PAX5: variants seen among roughly 807,000 people sequenced by gnomAD.
PAX5 encodes the protein paired box 5.
Under a neutral mutation model 43.7 loss-of-function variants are expected in PAX5, and 9 were observed. The ratio of observed to expected loss-of-function variants is 0.21; its 90% CI spans 0.12 to 0.36. The LOEUF (loss-of-function observed/expected upper bound fraction) is 0.36. Ranked by LOEUF, PAX5 falls within the 10% of genes least tolerant of loss-of-function variation. PAX5 has a pLI of 1.00. For missense variants in PAX5, 383 were observed against 532.7 expected, an observed-to-expected ratio of 0.72 and a Z score of 2.77; for synonymous variants, 228 against 214.3, an observed-to-expected ratio of 1.06 and a Z score of -0.56.
At chr9:36,889,072 TC>T (rs1199153174) in intron 7 of PAX5, among the ~76,000 whole-genome samples, 1 of 152,196 alleles carries the variant, frequency 6.6e-6, no homozygotes, top group African/African-American at 2.4e-5. Context: ...TTAAAACATG[TC>T]TGCAAATTCT....
At chr9:36,958,694 T>C (rs1358360778) in intron 6 of PAX5, among the ~76,000 whole-genome samples, 3 of 151,832 alleles carry the variant, frequency 2.0e-5, no homozygotes, top group Non-Finnish European at 2.9e-5. Flanking sequence ...CTGTGTTGGA[T>C]TGGATCCTGA....
rs562877406 is a variant in PAX5 at position 36,944,809 on chromosome 9, C to T, written c.781-21325G>A. The stretch of plus-strand genomic sequence containing the variant: ...AGTTACCCAATTGAATGGCTTTATC[C>T]GGTAATGATTTTAAAATAAATGAAA... On this transcript the variant is annotated intron_variant, in intron 6 of 9. Transcript: ENST00000358127. Among the ~76,000 whole-genome samples, 43 of 152,320 alleles carry T rather than the reference C, an allele frequency of 2.8e-4. 1 individual carries two copies. The South Asian group carries it at 6.4e-3, about 23-fold the overall frequency.
chr9:37,023,993 G>T (rs1368522533), intron 1 of PAX5, among the ~76,000 whole-genome samples: 1 of 152,156 alleles, frequency 6.6e-6, no homozygotes, highest in African/African-American at 2.4e-5. Flanking sequence ...CTCCCCTTCT[G>T]TGAACCCTCT....
chr9:37,033,263 C>T (rs1187000497), intron 1 of PAX5, among the ~76,000 whole-genome samples: 1 of 152,206 alleles, frequency 6.6e-6, no homozygotes, highest in East Asian at 1.9e-4. Context: ...GGACACTGGG[C>T]CTTACAATGC....
chr9:36,883,564 G>A (rs905810534), intron 7 of PAX5, among the ~76,000 whole-genome samples: 1 of 152,026 alleles, frequency 6.6e-6, no homozygotes, highest in Admixed American at 6.6e-5. Flanking sequence ...CCAGCTACTC[G>A]GGAGGCTGAG....
At chr9:37,033,882 A>C (rs2132591684) in intron 1 of PAX5, 104 bp downstream of exon 1, 1 of 963,864 alleles carries the variant, frequency 1.0e-6, no homozygotes, top group South Asian at 1.4e-5. Flanking sequence ...AGTCTCTACG[A>C]AAATGCGGCG....
chr9:36,898,083 T>A (rs1411797388), intron 7 of PAX5, among the ~76,000 whole-genome samples: 1 of 152,138 alleles, frequency 6.6e-6, no homozygotes, highest in African/African-American at 2.4e-5. Flanking sequence ...CCTCCCATGG[T>A]TTGTTCCTGG....
Position 36,926,023 on chromosome 9 carries a change from T to C in PAX5, c.781-2539A>G, listed in dbSNP as rs373103002. On this transcript the variant is annotated intron_variant, in intron 6 of 9. Coordinates refer to ENST00000358127, the MANE Select transcript of PAX5 (RefSeq NM_016734.3). The stretch of plus-strand genomic sequence containing the variant: ...TTCACTCTGTACCAGGAGCTTTAGC[T>C]GTACTATCCCATTTAATCCTCACAG... 4.6e-4 allele frequency among the ~76,000 whole-genome samples: 70 copies of C among 152,350 alleles called. 1 individual carries two copies. The highest frequency in any genetic ancestry group is 1.6e-3 in the African/African-American group (68 of 41,578).
intron 6 of PAX5, among the ~76,000 whole-genome samples, chr9:36,943,316 C>T (rs1351281655): frequency 1.3e-5 from 2 of 152,206 alleles, no homozygotes; most frequent in Non-Finnish European, 2.9e-5. Context: ...TGGCTCCTAG[C>T]ATCCCATAGG....
intron 7 of PAX5, among the ~76,000 whole-genome samples, chr9:36,920,926 G>A (rs1175882609): frequency 1.4e-5 from 2 of 146,134 alleles, no homozygotes; most frequent in South Asian, 2.2e-4. Flanking sequence ...CAATTCTCCT[G>A]CCTCAGCCTC....
intron 6 of PAX5, among the ~76,000 whole-genome samples, chr9:36,954,710 G>A (rs1833307949): frequency 6.6e-6 from 1 of 151,996 alleles, no homozygotes; most frequent in Non-Finnish European, 1.5e-5. Flanking sequence ...TAACTTGCTT[G>A]GGATTTAGTA....
At chr9:36,918,457 G>T (rs1829884010) in intron 7 of PAX5, among the ~76,000 whole-genome samples, 1 of 152,144 alleles carries the variant, frequency 6.6e-6, no homozygotes, top group African/African-American at 2.4e-5. Context: ...GAGCCTAGGA[G>T]TTTGAGAACA....
intron 6 of PAX5, among the ~76,000 whole-genome samples, chr9:36,947,861 C>T (rs920898992): frequency 1.7e-4 from 26 of 151,900 alleles, no homozygotes; most frequent in African/African-American, 6.3e-4. Flanking sequence ...TCTCTTCTTC[C>T]TCTTTCCACT....
rs568036944 is a variant in PAX5, at chr9:36,848,061, G to A, written c.1013-1132C>T. ...GCATGGGAGCCCTTCCCTACTGGAG[G>A]TGACAGGAGTTACATAGCCCCATGA... is the stretch of plus-strand genomic sequence containing the variant. On this transcript the variant is annotated intron_variant, in intron 8 of 9. Coordinates refer to ENST00000358127, the MANE Select transcript of PAX5 (RefSeq NM_016734.3). Among the ~76,000 whole-genome samples the A allele has an allele frequency of 1.3e-3, 202 of 152,276 alleles. 1 individual carries two copies. The highest frequency in any genetic ancestry group is 4.7e-3 in the African/African-American group (195 of 41,536).
intron 1 of PAX5, among the ~76,000 whole-genome samples, chr9:37,033,116 G>A (rs954231351): frequency 1.2e-4 from 18 of 152,226 alleles, no homozygotes; most frequent in African/African-American, 3.4e-4. Flanking sequence ...ACAGGTGTCC[G>A]CTGTCATCTG....
chr9:37,015,779 C>T lies in PAX5; in HGVS notation c.213-585G>A, dbSNP rs1291642871. On this transcript the variant is annotated intron_variant, in intron 2 of 9. Transcript: ENST00000358127. The surrounding 1 kb of genome is among the most constrained non-coding windows in gnomAD (Gnocchi z 4.4). ...TTTTTAGTAGAGACGGGGGTTTCACCATGTTAGTCAGGCTGGTCTCGAACT... is the reference window on the plus strand; with the variant it reads ...TTTTTAGTAGAGACGGGGGTTTCACTATGTTAGTCAGGCTGGTCTCGAACT... 6.6e-6 allele frequency among the ~76,000 whole-genome samples: 1 copy of T among 152,050 alleles called. No homozygotes were observed. The highest frequency in any genetic ancestry group is 1.5e-5 in the Non-Finnish European group (1 of 68,012).
intron 7 of PAX5, among the ~76,000 whole-genome samples, chr9:36,900,623 C>A (rs189267911): frequency 5.9e-5 from 9 of 152,302 alleles, no homozygotes; most frequent in Middle Eastern, 3.4e-3. Context: ...CTCACTCCCC[C>A]ACTCCGGGCT....
At chr9:36,962,432 A>T (rs1029744268) in intron 6 of PAX5, among the ~76,000 whole-genome samples, 1 of 152,278 alleles carries the variant, frequency 6.6e-6, no homozygotes, top group East Asian at 1.9e-4. Context: ...AAAATGTTCT[A>T]GTCTATACAA....
intron 8 of PAX5, among the ~76,000 whole-genome samples, chr9:36,869,983 A>G (rs866935809): frequency 0.011 from 169 of 15,382 alleles, no homozygotes; most frequent in African/African-American, 0.017. Context: ...TGGATGGATA[A>G]ATGGATGGAT....
Sources: gnomAD v4.1 joint callset for allele counts (sites outside exome capture counted in the v4.1 genomes callset) on GRCh38, gnomAD v4.1.1 for gene constraint, Gnocchi (gnomAD v3.1) non-coding constraint, MANE v1.5 for transcripts, NCBI Gene and HGNC (gene_info 2026-07-23, HGNC 2026-07-21) for gene names.